Variants in NRCAM observed in about 807,000 individuals in gnomAD.
NRCAM encodes neuronal cell adhesion molecule.
A neutral mutation model predicts 156.5 loss-of-function variants in NRCAM; 83 were observed. That is an observed-to-expected ratio of 0.53 (90% CI 0.44 to 0.64). The LOEUF (loss-of-function observed/expected upper bound fraction) is 0.64, where lower values mean the gene tolerates loss of function less well. Ranked by LOEUF, NRCAM falls within the 30% of genes least tolerant of loss-of-function variation. The pLI is 0.00. For missense variants in NRCAM, 1,417 were observed against 1,597.3 expected (o/e 0.89, Z 1.92); for synonymous variants, 538 against 563.9 (o/e 0.95, Z 0.65).
chr7:108,433,671 C>T (rs1317221856), intron 1 of NRCAM, among the ~76,000 whole-genome samples: 1 of 152,184 alleles, frequency 6.6e-6, no homozygotes, highest in Non-Finnish European at 1.5e-5. Flanking sequence ...TGCTTGCCTT[C>T]TCACCATGTG....
At chr7:108,196,555 C>T (rs2075229171) in intron 14 of NRCAM, among the ~76,000 whole-genome samples, 1 of 152,114 alleles carries the variant, frequency 6.6e-6, no homozygotes, top group Non-Finnish European at 1.5e-5. Flanking sequence ...AGAAGATATA[C>T]AAACAGCCAA....
intron 5 of NRCAM, 196 bp from the exon 6 acceptor site, chr7:108,234,884 ACTTT>A (rs781167637): frequency 2.0e-5 from 15 of 735,550 alleles, no homozygotes; most frequent in African/African-American, 1.2e-4. Flanking sequence ...TCAAGGTTTA[ACTTT>A]CTTTCGGTAA....
At chr7:108,152,681 T>A (rs933360015) in intron 32 of NRCAM, among the ~76,000 whole-genome samples, 23 of 152,108 alleles carry the variant, frequency 1.5e-4, no homozygotes, top group African/African-American at 5.1e-4. Context: ...TCACATAATG[T>A]CTATGGCTGC....
intron 2 of NRCAM, among the ~76,000 whole-genome samples, chr7:108,316,210 A>T (rs540761412): frequency 1.8e-4 from 27 of 152,234 alleles, no homozygotes; most frequent in African/African-American, 6.5e-4. Context: ...TTTGTCATAA[A>T]AGTGACTTCT....
At chr7:108,455,663 C>G (rs571280805) in intron 1 of NRCAM, among the ~76,000 whole-genome samples, 3 of 152,212 alleles carry the variant, frequency 2.0e-5, no homozygotes, top group Non-Finnish European at 4.4e-5. Flanking sequence ...GCCTCGCCCC[C>G]GAACTCCGTG....
At chr7:108,327,724 C>T (rs1030088961) in intron 2 of NRCAM, among the ~76,000 whole-genome samples, 1 of 152,136 alleles carries the variant, frequency 6.6e-6, no homozygotes, top group African/African-American at 2.4e-5. Flanking sequence ...CTTCATCCAG[C>T]TTCTCTCATC....
chr7:108,285,742 G>A (rs2098073182), intron 3 of NRCAM, among the ~76,000 whole-genome samples: 1 of 152,210 alleles, frequency 6.6e-6, no homozygotes, highest in Non-Finnish European at 1.5e-5. Context: ...TTAATGACAT[G>A]ATGAGAAGAG....
At chr7:108,446,636 T>C (rs2284291) in intron 1 of NRCAM, among the ~76,000 whole-genome samples, 92,618 of 151,978 alleles carry the variant, frequency 0.61, 28,673 homozygotes, top group African/African-American at 0.73. Context: ...TATCTGCTTT[T>C]CTTTATCATG....
At chr7:108,189,191 G>C (rs547193112) in intron 20 of NRCAM, among the ~76,000 whole-genome samples, 25 of 152,294 alleles carry the variant, frequency 1.6e-4, no homozygotes, top group Admixed American at 1.0e-3. Context: ...GGTAGAACCT[G>C]TTATCTACGC....
chr7:108,236,240 G>C (rs974868095), intron 5 of NRCAM, among the ~76,000 whole-genome samples: 2 of 152,108 alleles, frequency 1.3e-5, no homozygotes, highest in African/African-American at 4.8e-5. Context: ...TTGTCTTCTA[G>C]TCTTATTGCC....
chr7:108,402,129 C>A (rs1439847415), intron 1 of NRCAM, among the ~76,000 whole-genome samples: 1 of 152,210 alleles, frequency 6.6e-6, no homozygotes, highest in African/African-American at 2.4e-5. Context: ...ATCATGATAT[C>A]TGAGTTTAAA....
At chr7:108,378,079 A>G (rs1459273167) in intron 2 of NRCAM, among the ~76,000 whole-genome samples, 2 of 152,206 alleles carry the variant, frequency 1.3e-5, no homozygotes, top group African/African-American at 2.4e-5. Context: ...ATAATTTCAT[A>G]ATTTTTAAAA....
intron 2 of NRCAM, among the ~76,000 whole-genome samples, chr7:108,324,992 T>G (rs2099052044): frequency 6.9e-6 from 1 of 144,744 alleles, no homozygotes; most frequent in African/African-American, 2.6e-5. Flanking sequence ...ACAATAGGAG[T>G]GAAACCTCCC....
In NRCAM at chr7:108,288,306, G is replaced by A. The variant is rs1189773444; in HGVS notation, c.-107+24359C>T. Among the ~76,000 whole-genome samples the A allele has an allele frequency of 7.9e-5, 12 of 152,036 alleles. No homozygotes were observed. The East Asian group carries it at 2.3e-3, about 29-fold the overall frequency. On this transcript the variant is annotated intron_variant, in intron 3 of 32. Coordinates refer to ENST00000379028, the MANE Select transcript of NRCAM (RefSeq NM_001037132.4). Reference sequence around the variant, plus strand: ...TGGGTACGATGTTCACTATTGGGGTGATGCGTAACATTAAAAGCCCAGACT... The same window carrying A: ...TGGGTACGATGTTCACTATTGGGGTAATGCGTAACATTAAAAGCCCAGACT...
At chr7:108,448,597 T>C (rs1847021957) in intron 1 of NRCAM, among the ~76,000 whole-genome samples, 1 of 149,870 alleles carries the variant, frequency 6.7e-6, no homozygotes, top group South Asian at 2.1e-4. Context: ...ATTTCACTTA[T>C]TATAATACAT....
intron 2 of NRCAM, among the ~76,000 whole-genome samples, chr7:108,324,745 G>C (rs1485742710): frequency 6.6e-6 from 1 of 152,116 alleles, no homozygotes; most frequent in Non-Finnish European, 1.5e-5. Flanking sequence ...AGTTAATTAA[G>C]TCCCAATAGC....
At chr7:108,256,322 A>C (rs1197638152) in intron 3 of NRCAM, among the ~76,000 whole-genome samples, 9 of 148,594 alleles carry the variant, frequency 6.1e-5, no homozygotes, top group Non-Finnish European at 1.2e-4. Flanking sequence ...CTATAACCTT[A>C]CCCCCAACCC....
At chr7:108,404,569 A>G (rs1052535665) in intron 1 of NRCAM, among the ~76,000 whole-genome samples, 2 of 152,236 alleles carry the variant, frequency 1.3e-5, no homozygotes, top group Admixed American at 1.3e-4. Flanking sequence ...TGTAATTCTT[A>G]GTCCACATCC....
chr7:108,358,815 C>T (rs2099527279), intron 2 of NRCAM, among the ~76,000 whole-genome samples: 1 of 152,172 alleles, frequency 6.6e-6, no homozygotes, highest in African/African-American at 2.4e-5. Context: ...AGGAATTCTG[C>T]CTGAGGCCAA....
Sources: gnomAD v4.1 joint callset for allele counts (sites outside exome capture counted in the v4.1 genomes callset) on GRCh38, gnomAD v4.1.1 for gene constraint, MANE v1.5 for transcripts, NCBI Gene and HGNC (gene_info 2026-07-23, HGNC 2026-07-21) for gene names.